Variants in UMAD1 observed in about 807,000 individuals in gnomAD.
UMAD1 encodes UBAP1-MVB12-associated (UMA) domain containing 1.
In UMAD1, 8 loss-of-function variants were observed where a neutral mutation model predicts 6.1. The observed-to-expected ratio is 1.30, with a 90% CI of 0.76 to 2.35. UMAD1 has a LOEUF of 2.35. UMAD1 is among the 30% of genes most tolerant of loss of function. UMAD1 has a pLI of 0.00. For synonymous variants in UMAD1, 56 were observed against 31.4 expected, an observed-to-expected ratio of 1.78 and a Z score of -2.61; for missense variants, 130 against 78.4, an observed-to-expected ratio of 1.66 and a Z score of -2.49.
chr7:7,752,227 G>A (rs1781691809), intron 2 of UMAD1, among the ~76,000 whole-genome samples: 2 of 152,108 alleles, frequency 1.3e-5, no homozygotes, highest in East Asian at 1.9e-4. Context: ...AACAAAAGCA[G>A]TAATGCATTG....
intron 1 of UMAD1, among the ~76,000 whole-genome samples, chr7:7,668,434 C>T (rs1020652051): frequency 2.6e-5 from 4 of 152,080 alleles, no homozygotes; most frequent in African/African-American, 9.7e-5. Context: ...ATTCACATAA[C>T]TTTTATTACT....
intron 2 of UMAD1, among the ~76,000 whole-genome samples, chr7:7,759,879 C>G (rs564563096): frequency 1.3e-5 from 2 of 152,070 alleles, no homozygotes; most frequent in Non-Finnish European, 2.9e-5. Context: ...CATATTATCC[C>G]CCTTCTTCCC....
At chr7:7,715,538 G>A (rs1780879791) in intron 2 of UMAD1, among the ~76,000 whole-genome samples, 1 of 152,072 alleles carries the variant, frequency 6.6e-6, no homozygotes, top group Non-Finnish European at 1.5e-5. Context: ...TGTGTGCTAG[G>A]TGCTGTGCTG....
chr7:7,784,428 C>T (rs1026665569), intron 2 of UMAD1, among the ~76,000 whole-genome samples: 68 of 150,572 alleles, frequency 4.5e-4, no homozygotes, highest in African/African-American at 1.6e-3. Flanking sequence ...CTCCGCCTCC[C>T]GGGTTCACGC....
At chr7:7,782,906 T>G (rs1157966886) in intron 2 of UMAD1, among the ~76,000 whole-genome samples, 1 of 152,008 alleles carries the variant, frequency 6.6e-6, no homozygotes. Context: ...ATATTTTTTG[T>G]ATTTTTTATA....
At chr7:7,661,274 C>T (rs1333127147) in intron 1 of UMAD1, among the ~76,000 whole-genome samples, 1 of 152,182 alleles carries the variant, frequency 6.6e-6, no homozygotes, top group African/African-American at 2.4e-5. Context: ...GCTCCTTTAG[C>T]TCAGAGGAGT....
intron 2 of UMAD1, among the ~76,000 whole-genome samples, chr7:7,796,759 C>A (rs941177073): frequency 6.6e-6 from 1 of 152,116 alleles, no homozygotes; most frequent in Non-Finnish European, 1.5e-5. Context: ...CACAGAGGAA[C>A]CAAATCAGCA....
chr7:7,785,045 C>G (rs570511985), intron 2 of UMAD1, among the ~76,000 whole-genome samples: 14 of 152,268 alleles, frequency 9.2e-5, no homozygotes, highest in African/African-American at 3.4e-4. Flanking sequence ...TTGTGGAGAA[C>G]TTTTCCTGTA....
At chr7:7,845,631 T>C (rs191916355) in intron 3 of UMAD1, among the ~76,000 whole-genome samples, 1 of 152,264 alleles carries the variant, frequency 6.6e-6, no homozygotes, top group Non-Finnish European at 1.5e-5. Flanking sequence ...TGTAGGTAAA[T>C]GTTCCTTTTT....
At chr7:7,800,103 G>C (rs191176312) in intron 2 of UMAD1, among the ~76,000 whole-genome samples, 16 of 152,156 alleles carry the variant, frequency 1.1e-4, no homozygotes, top group Non-Finnish European at 1.8e-4. Context: ...GGCTGGTCTC[G>C]ATCTCCTGAC....
chr7:7,818,796 C>G (rs1307517764), intron 3 of UMAD1, among the ~76,000 whole-genome samples: 4 of 152,234 alleles, frequency 2.6e-5, no homozygotes, highest in African/African-American at 9.6e-5. Flanking sequence ...ATAAAGAAAA[C>G]ATGCTAATTT....
At chr7:7,849,450 C>T (rs1237533738) in intron 3 of UMAD1, among the ~76,000 whole-genome samples, 2 of 152,064 alleles carry the variant, frequency 1.3e-5, no homozygotes, top group Admixed American at 6.6e-5. Context: ...TAGAAGTTTA[C>T]CCAGTGTAAA....
intron 2 of UMAD1, among the ~76,000 whole-genome samples, chr7:7,763,068 A>G (rs1298906920): frequency 6.6e-6 from 1 of 152,134 alleles, no homozygotes; most frequent in Non-Finnish European, 1.5e-5. Context: ...CTCTAGCCAA[A>G]TTATATTTTT....
chr7:7,729,879 T>C (rs1049623126), intron 2 of UMAD1, among the ~76,000 whole-genome samples: 2 of 152,236 alleles, frequency 1.3e-5, no homozygotes, highest in African/African-American at 4.8e-5. Flanking sequence ...TGTCCCTCTT[T>C]CCTGCCACTA....
intron 2 of UMAD1, chr7:7,676,226 G>A: frequency 2.5e-6 from 1 of 398,580 alleles, no homozygotes; most frequent in Non-Finnish European, 4.4e-6. Flanking sequence ...ACCCTTCCCA[G>A]TACCACTTAG....
chr7:7,681,231 A>AT (rs1779904735), intron 2 of UMAD1, among the ~76,000 whole-genome samples: 3 of 152,020 alleles, frequency 2.0e-5, no homozygotes, highest in South Asian at 2.1e-4. Context: ...TAAATTATCT[A>AT]TTTTTTTCCA....
intron 2 of UMAD1, among the ~76,000 whole-genome samples, chr7:7,682,529 A>G (rs28915978): frequency 2.7e-4 from 41 of 152,328 alleles, no homozygotes; most frequent in African/African-American, 5.8e-4. Flanking sequence ...AAAAATTTAC[A>G]TTCTAAGGAA....
intron 2 of UMAD1, among the ~76,000 whole-genome samples, chr7:7,707,755 G>T (rs1780642862): frequency 6.6e-6 from 1 of 152,124 alleles, no homozygotes; most frequent in South Asian, 2.1e-4. Context: ...GGTATCTTTG[G>T]GCATTTGTAG....
intron 2 of UMAD1, among the ~76,000 whole-genome samples, chr7:7,700,087 A>G (rs1023866441): frequency 2.0e-5 from 3 of 152,192 alleles, no homozygotes; most frequent in Admixed American, 1.3e-4. Context: ...CTCCTTTAAC[A>G]AAGTGTCATA....
Sources: gnomAD v4.1 joint callset for allele counts (sites outside exome capture counted in the v4.1 genomes callset) on GRCh38, gnomAD v4.1.1 for gene constraint, MANE v1.5 for transcripts, NCBI Gene and HGNC (gene_info 2026-07-23, HGNC 2026-07-21) for gene names.